The following TK1 variants were observed in gnomAD, a reference collection of about 807,000 sequenced individuals.
The protein encoded by TK1 is thymidine kinase, cytosolic.
A neutral mutation model predicts 22.4 loss-of-function variants in TK1; 13 were observed. The observed-to-expected ratio is 0.58, with a 90% CI of 0.38 to 0.92. The LOEUF is 0.92. Among genes scored for constraint, TK1 ranks in the 40% least tolerant of loss-of-function variants. The pLI is 0.00. For synonymous variants in TK1, 134 were observed against 125.4 expected (o/e 1.07, Z -0.46); for missense variants, 251 against 315.7 (o/e 0.80, Z 1.55).
At position 78,174,849 on chromosome 17, in the gene TK1, G is replaced by T. The variant is rs2075686132; in HGVS notation, c.615C>A (p.Asn205Lys). ...CCCCTGGCTTTCCTGGCACTGGGCA[G>T]TTCTCTTTGTTGTCCGGCCCGGCAG... ...GQPAGPDNKE[N>K]CPVPGKPGEA... Residue 205 changes from asparagine (N) to lysine (K), a missense_variant, in exon 7 of 7, where the codon AAC (asparagine) becomes AAA (lysine). By Grantham distance (94) the Asn-to-Lys change is moderately conservative. Transcript: ENST00000301634. The T allele has an allele frequency of 6.2e-7, 1 of 1,613,632 alleles. No individual in the cohort carries two copies. Among genetic ancestry groups the T allele is most frequent in the Non-Finnish European group, 8.5e-7 (1 of 1,179,792 alleles).
intron 4 of TK1, chr17:78,179,050 C>T (rs1353905961): frequency 1.7e-6 from 1 of 588,422 alleles, no homozygotes; most frequent in Non-Finnish European, 2.1e-6. Flanking sequence ...GCTCCTGACT[C>T]AGGGCATTTG....
rs754646063 is a variant in TK1 at position 78,185,168 on chromosome 17, G to T, written c.99-3C>A. 9 of 1,612,084 alleles carry T rather than the reference G, an allele frequency of 5.6e-6. No homozygotes were observed. Among genetic ancestry groups the T allele is most frequent in the Non-Finnish European group, 7.6e-6 (9 of 1,178,996 alleles). Reference sequence around the variant, plus strand: ...GGACGCGTCTCATCAACTCTGTGCTGCAAGAGGAGAGAGGGTCAGGTGAGG... The same window carrying T: ...GGACGCGTCTCATCAACTCTGTGCTTCAAGAGGAGAGAGGGTCAGGTGAGG... On this transcript the variant is annotated splice_region_variant and splice_polypyrimidine_tract_variant and intron_variant, in intron 2 of 6. Transcript: ENST00000301634.
intron 3 of TK1, among the ~76,000 whole-genome samples, chr17:78,182,965 C>T (rs2145828291): frequency 6.6e-6 from 1 of 152,278 alleles, no homozygotes; most frequent in Non-Finnish European, 1.5e-5. Flanking sequence ...TCTCAAGGGT[C>T]TCAAGCGATT....
At chr17:78,176,920 G>T (rs989338852) in intron 4 of TK1, among the ~76,000 whole-genome samples, 1 of 152,196 alleles carries the variant, frequency 6.6e-6, no homozygotes, top group Non-Finnish European at 1.5e-5. Flanking sequence ...GGAATGGAGA[G>T]GGGAAGAACC....
At chr17:78,178,498 G>A (rs2075716550) in intron 4 of TK1, among the ~76,000 whole-genome samples, 1 of 152,194 alleles carries the variant, frequency 6.6e-6, no homozygotes, top group South Asian at 2.1e-4. Flanking sequence ...CAGAAAACGG[G>A]AACAAGGCAG....
chr17:78,185,741 G>A (rs2075782278), intron 2 of TK1, among the ~76,000 whole-genome samples: 1 of 152,098 alleles, frequency 6.6e-6, no homozygotes, highest in South Asian at 2.1e-4. Context: ...CGTTGACCAG[G>A]GTGGTCTCAA....
Position 78,174,370 on chromosome 17 carries a change from A to C in TK1, c.*389T>G. ...AAGCCTCAGTGTGGGCCAAGGCTCA[A>C]AGGTGCTGGCACAGGCTTCCCAGGG... is the stretch of plus-strand genomic sequence containing the variant. On this transcript the variant is annotated 3_prime_UTR_variant, in exon 7 of 7. Transcript: ENST00000301634. 1 of 204,272 alleles carries C rather than the reference A, an allele frequency of 4.9e-6. No individual in the cohort carries two copies. Among genetic ancestry groups the C allele is most frequent in the Non-Finnish European group, 9.9e-6 (1 of 101,046 alleles). The allele number at this position is 204,272 out of a possible 1,614,324, so 12.7% of individuals were successfully genotyped here.
intron 4 of TK1, among the ~76,000 whole-genome samples, chr17:78,180,036 A>C (rs142194651): frequency 6.6e-6 from 1 of 152,198 alleles, no homozygotes; most frequent in Non-Finnish European, 1.5e-5. Flanking sequence ...GCGCCACTGC[A>C]CTCCAGCCTG....
At position 78,175,546 on chromosome 17, in the gene TK1, C is replaced by T. The variant is rs777639792; in HGVS notation, c.376G>A (p.Gly126Arg). Reference protein sequence around the residue: ...GKTVIVAALDGTFQRKPFGAI... With the variant: ...GKTVIVAALDRTFQRKPFGAI... ...CGCCTTACCTTCCTCTGGAAGGTCCCATCCAGTGCAGCCACAATTACGGTC... is the reference window on the plus strand; with the variant it reads ...CGCCTTACCTTCCTCTGGAAGGTCCTATCCAGTGCAGCCACAATTACGGTC... Residue 126 changes from glycine to arginine, a missense_variant, in exon 5 of 7, where the codon GGG (glycine) becomes AGG (arginine). Transcript: ENST00000301634. The T allele has an allele frequency of 6.8e-6, 11 of 1,613,654 alleles. No homozygotes were observed. Among genetic ancestry groups the T allele is most frequent in the Non-Finnish European group, 6.8e-6 (8 of 1,179,810 alleles).
chr17:78,175,727 G>A lies in TK1; in HGVS notation c.304-109C>T, dbSNP rs548557546. 1.9e-4 allele frequency: 182 copies of A among 958,776 alleles called. No individual in the cohort carries two copies. In the South Asian group the frequency reaches 2.5e-3, roughly 13 times the overall value. 59.4% of individuals were successfully genotyped at this position (958,776 alleles called of 1,614,324 possible). A position where few individuals can be genotyped will look rare whatever the true frequency, so the allele number is the denominator to read the frequency against. On this transcript the variant is annotated intron_variant, in intron 4 of 6. Coordinates refer to ENST00000301634, the MANE Select transcript of TK1 (RefSeq NM_003258.5). ...TCTGACAACTCCGGCCATTTGGCCC[G>A]GAGTAACTCTTAATTCTCCCACGAG...
Position 78,186,776 on chromosome 17 carries a change from G to A in TK1, c.98+11C>T, listed in dbSNP as rs201088451. The A allele has an allele frequency of 1.4e-4, 219 of 1,582,528 alleles. No homozygotes were observed. In the African/African-American group the frequency reaches 2.7e-3, roughly 19 times the overall value. ...GGAAGGAGCTCCACCCCAGCCCCGCGAAGCCATTACCTTTTTCCTGAGAAC... is the reference window on the plus strand; with the variant it reads ...GGAAGGAGCTCCACCCCAGCCCCGCAAAGCCATTACCTTTTTCCTGAGAAC... On this transcript the variant is annotated intron_variant, in intron 2 of 6. Coordinates refer to ENST00000301634, the MANE Select transcript of TK1 (RefSeq NM_003258.5).
chr17:78,180,909 C>T (rs2075733309), intron 4 of TK1, among the ~76,000 whole-genome samples: 1 of 152,180 alleles, frequency 6.6e-6, no homozygotes. Flanking sequence ...AGATGGCGGC[C>T]TTCCTCTGAG....
chr17:78,179,899 G>A (rs2075726850), intron 4 of TK1: 1 of 252,930 alleles, frequency 4.0e-6, no homozygotes, highest in East Asian at 1.8e-4. Context: ...ATGAAACCCC[G>A]TCTCTACTAA....
rs139510902 is a variant in TK1 at position 78,179,324 on chromosome 17, G to C, written c.303+3265C>G. The C allele has an allele frequency of 7.8e-3, 7,658 of 985,412 alleles. 46 individuals are homozygous for C. The highest frequency in any genetic ancestry group is 8.6e-3 in the Non-Finnish European group (7,162 of 829,928). The allele number at this position is 985,412 out of a possible 1,614,324, so 61.0% of individuals were successfully genotyped here. ...AGCTGCAGCCCTATTCCCAGCCTGG[G>C]CTCACTTTCTCGCCAGGAGTCCCTC... is the stretch of plus-strand genomic sequence containing the variant. On this transcript the variant is annotated intron_variant, in intron 4 of 6. Transcript: ENST00000301634.
At chr17:78,185,809 C>T (rs1183819096) in intron 2 of TK1, among the ~76,000 whole-genome samples, 2 of 152,148 alleles carry the variant, frequency 1.3e-5, no homozygotes, top group Non-Finnish European at 2.9e-5. Flanking sequence ...GGATTAAAGG[C>T]GTGGGCCACC....
chr17:78,174,621 A>C lies in TK1; in HGVS notation c.*138T>G. 1.0e-6 allele frequency: 1 copy of C among 982,538 alleles called. No individual in the cohort carries two copies. The highest frequency in any genetic ancestry group is 1.5e-6 in the Non-Finnish European group (1 of 685,354). 60.9% of individuals were successfully genotyped at this position (982,538 alleles called of 1,614,324 possible). ...ATGCGGCAGGTGGGGCAGCCACACA[A>C]AGGAGAGTTCCCAGAAGGCCAAGGT... On this transcript the variant is annotated 3_prime_UTR_variant, in exon 7 of 7. Transcript: ENST00000301634.
chr17:78,187,042 C>A lies in TK1; in HGVS notation c.-48G>T, dbSNP rs1292310172. On this transcript the variant is annotated 5_prime_UTR_variant, in exon 1 of 7. Coordinates refer to ENST00000301634, the MANE Select transcript of TK1 (RefSeq NM_003258.5). ...ACCCGAGTACTCTCCAAGGCCGTCC[C>A]GCAGTAAGCCCCTGGTTCCCGCGCC... 3 of 1,567,716 alleles carry A rather than the reference C, an allele frequency of 1.9e-6. No homozygotes were observed. Among genetic ancestry groups the A allele is most frequent in the Non-Finnish European group, 1.7e-6 (2 of 1,149,198 alleles).
chr17:78,175,467 G>A (rs2075692033), intron 5 of TK1, 62 bp downstream of exon 5: 1 of 1,500,074 alleles, frequency 6.7e-7, no homozygotes, highest in Admixed American at 1.8e-5. Context: ...GTGTCTCTGT[G>A]CCCATCCAGA....
At chr17:78,176,487 A>C (rs1366620060) in intron 4 of TK1, among the ~76,000 whole-genome samples, 1 of 151,990 alleles carries the variant, frequency 6.6e-6, no homozygotes, top group Non-Finnish European at 1.5e-5. Flanking sequence ...CAAGGTGAGG[A>C]CTAAGGGGTG....
Sources: allele counts gnomAD v4.1 joint callset (sites outside exome capture counted in the v4.1 genomes callset), GRCh38; gene constraint gnomAD v4.1.1; transcripts MANE v1.5; gene names NCBI Gene and HGNC (gene_info 2026-07-23, HGNC 2026-07-21).